Variants in CCM2 observed in about 807,000 individuals in gnomAD.
CCM2 encodes CCM2 scaffold protein.
A neutral mutation model predicts 44.9 loss-of-function variants in CCM2; 25 were observed. The observed-to-expected ratio is 0.56, with a 90% CI of 0.41 to 0.78. The LOEUF is 0.78. Among genes scored for constraint, CCM2 ranks in the 30% least tolerant of loss-of-function variants. The pLI is 0.00. For missense variants in CCM2, 481 were observed against 580.6 expected, an observed-to-expected ratio of 0.83 and a Z score of 1.76; for synonymous variants, 219 against 241.1, an observed-to-expected ratio of 0.91 and a Z score of 0.85.
intron 4 of CCM2, 28 bp from the exon 5 acceptor site, chr7:45,068,415 C>T (rs1798889782): frequency 6.2e-7 from 1 of 1,613,928 alleles, no homozygotes; most frequent in Non-Finnish European, 8.5e-7. Flanking sequence ...TTCCACTGTG[C>T]TAAACTGAGA....
chr7:45,049,551 T>C (rs762530710), intron 2 of CCM2, among the ~76,000 whole-genome samples: 1 of 152,254 alleles, frequency 6.6e-6, no homozygotes, highest in African/African-American at 2.4e-5. Context: ...TCCATTTTAA[T>C]GGTTGCATGA....
At position 45,073,495 on chromosome 7, in the gene CCM2, C is replaced by G. The variant is rs1437280900; in HGVS notation, c.839C>G (p.Ser280Ter). 1.9e-6 allele frequency: 3 copies of G among 1,613,262 alleles called. No individual in the cohort carries two copies. Among genetic ancestry groups the G allele is most frequent in the Non-Finnish European group, 2.5e-6 (3 of 1,179,928 alleles). The part of the protein sequence containing the change: ...FPESVDVGGA[S>*]PHSKTISESE... ...GAATCTGTGGATGTGGGTGGTGCAT[C>G]ACCCCACAGCAAGACCATCAGTGAG... Residue 280 changes from serine (S) to a stop codon, truncating the protein, a stop_gained, in exon 8 of 10, where the codon TCA becomes TGA. Coordinates refer to ENST00000258781, the MANE Select transcript of CCM2 (RefSeq NM_031443.4). LOFTEE classifies it high-confidence loss of function.
intron 1 of CCM2, among the ~76,000 whole-genome samples, chr7:45,008,154 C>T (rs1450479878): frequency 6.6e-6 from 1 of 150,868 alleles, no homozygotes; most frequent in African/African-American, 2.5e-5. Flanking sequence ...GCAATTCTGC[C>T]TCAGCCTCCC....
At chr7:45,050,206 T>C (rs1387758553) in intron 2 of CCM2, among the ~76,000 whole-genome samples, 1 of 152,266 alleles carries the variant, frequency 6.6e-6, no homozygotes, top group Admixed American at 6.5e-5. Context: ...ATTAACATGC[T>C]GTACAGGTTG....
intron 1 of CCM2, among the ~76,000 whole-genome samples, chr7:45,008,523 C>A (rs140228057): frequency 1.3e-5 from 2 of 151,928 alleles, no homozygotes; most frequent in Non-Finnish European, 2.9e-5. Flanking sequence ...CCACCAAGTC[C>A]GGCTAATTTT....
chr7:45,025,683 C>T lies in CCM2; in HGVS notation c.31-12570C>T, dbSNP rs1461191524. ...CGAATAGCTGGGATTAACAGGCATGCGCCATCACGCCCAGCTAATTTTGTG... is the reference window on the plus strand; with the variant it reads ...CGAATAGCTGGGATTAACAGGCATGTGCCATCACGCCCAGCTAATTTTGTG... On this transcript the variant is annotated intron_variant, in intron 1 of 9. Coordinates refer to ENST00000258781, the MANE Select transcript of CCM2 (RefSeq NM_031443.4). Among the ~76,000 whole-genome samples, 26 of 152,214 alleles carry T rather than the reference C, an allele frequency of 1.7e-4. No homozygotes were observed. In the East Asian group the frequency reaches 3.1e-3, roughly 18 times the overall value.
chr7:45,021,682 C>T (rs1796487612), intron 1 of CCM2, among the ~76,000 whole-genome samples: 2 of 151,512 alleles, frequency 1.3e-5, no homozygotes, highest in Non-Finnish European at 2.9e-5. Context: ...TGAGATGAGG[C>T]AGGGGAGTAG....
intron 1 of CCM2, among the ~76,000 whole-genome samples, chr7:45,017,658 A>C (rs1796319705): frequency 6.6e-6 from 1 of 152,018 alleles, no homozygotes; most frequent in Non-Finnish European, 1.5e-5. Flanking sequence ...GAACGCATGT[A>C]ATTTGGTATT....
Position 45,023,949 on chromosome 7 carries a change from T to TA in CCM2, c.31-14303dup, listed in dbSNP as rs528104055. On this transcript the variant is annotated intron_variant, in intron 1 of 9. Coordinates refer to ENST00000258781, the MANE Select transcript of CCM2 (RefSeq NM_031443.4). ...CCTCAGTCTCCGTAGTAGCTGGGGTTACAGACATGTGCCACCACGCCCTGC... is the reference window on the plus strand; with the variant it reads ...CCTCAGTCTCCGTAGTAGCTGGGGTTAACAGACATGTGCCACCACGCCCTGC... Among the ~76,000 whole-genome samples, 6 of 152,100 alleles carry TA rather than the reference T, an allele frequency of 3.9e-5. No individual in the cohort carries two copies. In the South Asian group the frequency reaches 1.2e-3, roughly 32 times the overall value.
intron 2 of CCM2, among the ~76,000 whole-genome samples, chr7:45,039,519 T>C (rs1797380158): frequency 6.6e-6 from 1 of 152,162 alleles, no homozygotes; most frequent in Non-Finnish European, 1.5e-5. Flanking sequence ...CACAGGCAGC[T>C]GAGTATAAGT....
intron 1 of CCM2, among the ~76,000 whole-genome samples, chr7:45,018,764 C>CA (rs942471665): frequency 7.2e-6 from 1 of 139,846 alleles, no homozygotes; most frequent in Non-Finnish European, 1.6e-5. Flanking sequence ...TTAAGAATTT[C>CA]TTTTTTTTTT....
chr7:45,046,755 A>T (rs774509690), intron 2 of CCM2, among the ~76,000 whole-genome samples: 1 of 152,252 alleles, frequency 6.6e-6, no homozygotes, highest in Non-Finnish European at 1.5e-5. Flanking sequence ...TCAAAATTTA[A>T]AACTCTTGCT....
At chr7:45,072,347 C>T in intron 6 of CCM2, 1 of 371,722 alleles carries the variant, frequency 2.7e-6, no homozygotes. Context: ...ACTTCCTAAT[C>T]TACAAGTGAA....
Position 45,063,860 on chromosome 7 carries a change from T to A in CCM2, c.205-58T>A, listed in dbSNP as rs1798638856. The A allele has an allele frequency of 1.7e-5, 19 of 1,120,080 alleles. No individual in the cohort carries two copies. In the South Asian group the frequency reaches 2.4e-4, roughly 14 times the overall value. 69.4% of individuals were successfully genotyped at this position (1,120,080 alleles called of 1,614,324 possible). ...TGGTTTGTGCTCTCGGTGGTAGTGA[T>A]GGTGGTGTTGGCTCAGCTCCCATTT... On this transcript the variant is annotated intron_variant, in intron 2 of 9. Coordinates refer to ENST00000258781, the MANE Select transcript of CCM2 (RefSeq NM_031443.4).
At chr7:45,062,315 C>T (rs1025210995) in intron 2 of CCM2, among the ~76,000 whole-genome samples, 2 of 152,052 alleles carry the variant, frequency 1.3e-5, no homozygotes, top group Non-Finnish European at 2.9e-5. Context: ...ATCAGCAACC[C>T]ATTTTAAAAA....
intron 4 of CCM2, among the ~76,000 whole-genome samples, chr7:45,066,817 C>A (rs1005647539): frequency 2.6e-5 from 4 of 151,908 alleles, no homozygotes; most frequent in African/African-American, 7.3e-5. Context: ...CACCAGGGAG[C>A]CAACATTTAA....
intron 6 of CCM2, chr7:45,072,070 C>CA (rs1799105382): frequency 3.7e-5 from 13 of 354,634 alleles, no homozygotes; most frequent in South Asian, 2.8e-4. Context: ...CTGCAACACT[C>CA]ACCTGCCTCG....
At chr7:45,070,022 C>A in intron 6 of CCM2, 61 bp downstream of exon 6, 1 of 1,590,776 alleles carries the variant, frequency 6.3e-7, no homozygotes, top group Admixed American at 1.7e-5. Flanking sequence ...ACTGCAGTGG[C>A]CCCCAGCTCC....
At chr7:45,023,044 C>G (rs1039710502) in intron 1 of CCM2, among the ~76,000 whole-genome samples, 1 of 152,004 alleles carries the variant, frequency 6.6e-6, no homozygotes, top group African/African-American at 2.4e-5. Flanking sequence ...CCCTGCAAGT[C>G]TGGGCTTTTA....
Sources: gnomAD v4.1 joint callset for allele counts (sites outside exome capture counted in the v4.1 genomes callset) on GRCh38, gnomAD v4.1.1 for gene constraint, MANE v1.5 for transcripts, NCBI Gene and HGNC (gene_info 2026-07-23, HGNC 2026-07-21) for gene names.